The following PDZD8 variants were observed in gnomAD, a reference collection of about 807,000 sequenced individuals.
The protein encoded by PDZD8 is PDZ domain containing 8.
PDZD8 carries 14 observed loss-of-function variants against 85.8 expected under a neutral mutation model. The observed-to-expected ratio is 0.16, with a 90% CI of 0.11 to 0.26. The LOEUF (loss-of-function observed/expected upper bound fraction) is 0.26. PDZD8 is among the 10% of genes least tolerant of loss of function. PDZD8 has a pLI of 1.00. For synonymous variants in PDZD8, 592 were observed against 568.6 expected (o/e 1.04, Z -0.59); for missense variants, 1,197 against 1,424.3 (o/e 0.84, Z 2.57).
At chr10:117,358,889 T>C (rs1428439757) in intron 1 of PDZD8, among the ~76,000 whole-genome samples, 1 of 152,140 alleles carries the variant, frequency 6.6e-6, no homozygotes, top group Non-Finnish European at 1.5e-5. Flanking sequence ...CTTCTATTTA[T>C]CTATATTAAG....
At chr10:117,323,808 A>G (rs1844268052) in intron 2 of PDZD8, among the ~76,000 whole-genome samples, 1 of 152,178 alleles carries the variant, frequency 6.6e-6, no homozygotes, top group Non-Finnish European at 1.5e-5. Flanking sequence ...CATTTGCACT[A>G]TGTGGTCTAT....
chr10:117,362,531 A>G (rs1433780709), intron 1 of PDZD8, among the ~76,000 whole-genome samples: 3 of 152,118 alleles, frequency 2.0e-5, no homozygotes, highest in African/African-American at 7.2e-5. Flanking sequence ...AAATCATAAG[A>G]GCACAGATAT....
At chr10:117,361,854 T>C (rs1180006197) in intron 1 of PDZD8, among the ~76,000 whole-genome samples, 3 of 152,194 alleles carry the variant, frequency 2.0e-5, no homozygotes, top group South Asian at 4.1e-4. Context: ...ACTATTTATA[T>C]AGCATTTACA....
chr10:117,336,992 G>A (rs1182689443), intron 2 of PDZD8, among the ~76,000 whole-genome samples: 6 of 151,988 alleles, frequency 3.9e-5, no homozygotes, highest in Admixed American at 2.0e-4. Context: ...GGGAGGCTGA[G>A]GCAAAAGAAT....
chr10:117,333,117 C>CAAAAAAAAACAAAAAAAA (rs1554854831), intron 2 of PDZD8, among the ~76,000 whole-genome samples: 1 of 7,252 alleles, frequency 1.4e-4, no homozygotes, highest in Non-Finnish European at 5.8e-4. Flanking sequence ...GACTCTGTCT[C>CAAAAAAAAACAAAAAAAA]AAAAAAAAAA....
intron 4 of PDZD8, among the ~76,000 whole-genome samples, chr10:117,288,405 A>C (rs1452769182): frequency 1.3e-5 from 2 of 152,102 alleles, no homozygotes; most frequent in Admixed American, 1.3e-4. Context: ...AACAAACAAA[A>C]AAACAAAAAA....
Position 117,375,052 on chromosome 10 carries a change from T to A in PDZD8, c.176A>T (p.Tyr59Phe). The A allele has an allele frequency of 1.3e-6, 2 of 1,598,670 alleles. No individual in the cohort carries two copies. Among genetic ancestry groups the A allele is most frequent in the Non-Finnish European group, 1.7e-6 (2 of 1,174,706 alleles). Residue 59 changes from tyrosine (Y) to phenylalanine (F), a missense_variant, in exon 1 of 5, where the codon TAC becomes TTC. This residue lies in a region of PDZD8 where 172 missense variants were observed against 137.8 expected (regional missense o/e 1.25). Coordinates refer to ENST00000334464, the MANE Select transcript of PDZD8 (RefSeq NM_173791.5). ...CTCATCCCGGCCGCCGCCATAAAGG[T>A]ACTCCCTTAGGAGCAGGCCCGGCAC... ...KPVPGLLLRE[Y>F]LYGGGRDEEP...
intron 1 of PDZD8, among the ~76,000 whole-genome samples, chr10:117,342,047 C>T (rs1185427142): frequency 2.6e-5 from 4 of 152,148 alleles, no homozygotes. Context: ...CAAGTTTGTT[C>T]AATTTTACAA....
At chr10:117,305,473 C>T (rs11197948) in intron 3 of PDZD8, among the ~76,000 whole-genome samples, 23 of 25,808 alleles carry the variant, frequency 8.9e-4, no homozygotes, top group African/African-American at 2.3e-3. Context: ...CACACACATA[C>T]ACACACACAC....
chr10:117,328,960 G>A (rs1443485295), intron 2 of PDZD8, among the ~76,000 whole-genome samples: 2 of 152,158 alleles, frequency 1.3e-5, no homozygotes, highest in Non-Finnish European at 2.9e-5. Context: ...GTTCCCACTG[G>A]AAACGTGAGT....
At chr10:117,340,844 G>A (rs1210497774) in intron 2 of PDZD8, 136 bp downstream of exon 2, 1 of 1,025,660 alleles carries the variant, frequency 9.7e-7, no homozygotes, top group Non-Finnish European at 1.4e-6. Flanking sequence ...CTACTTTTAT[G>A]ATATTAAATT....
At chr10:117,362,403 T>C (rs1845014644) in intron 1 of PDZD8, among the ~76,000 whole-genome samples, 1 of 152,136 alleles carries the variant, frequency 6.6e-6, no homozygotes, top group Non-Finnish European at 1.5e-5. Context: ...ACAAGTTGCA[T>C]GACTTGTCCA....
At position 117,281,480 on chromosome 10, in the gene PDZD8, G is replaced by A. The variant is rs1214739908; in HGVS notation, c.*1788C>T. On this transcript the variant is annotated 3_prime_UTR_variant, in exon 5 of 5. Transcript: ENST00000334464. ...AAGGTATTTAGTACCTGAAATTTTCGCTTACTAAAGTAACAAAAGGCATGA... is the reference window on the plus strand; with the variant it reads ...AAGGTATTTAGTACCTGAAATTTTCACTTACTAAAGTAACAAAAGGCATGA... 3 of 150,366 alleles carry A rather than the reference G, an allele frequency of 2.0e-5. No individual in the cohort carries two copies. The highest frequency in any genetic ancestry group is 4.9e-5 in the African/African-American group (2 of 40,650). The allele number at this position is 150,366 out of a possible 1,614,324, so 9.3% of individuals were successfully genotyped here.
Position 117,285,028 on chromosome 10 carries a change from T to C in PDZD8, c.1705A>G (p.Thr569Ala). Residue 569 changes from threonine (T) to alanine (A), a missense_variant, in exon 5 of 5, where the codon ACT (threonine) becomes GCT (alanine). Physicochemically the swap from Thr to Ala is moderately conservative, Grantham distance 58. Around this residue, in one of 4 missense-constraint regions of PDZD8, gnomAD observed 263 missense variants for 261.9 expected, o/e 1.00. Transcript: ENST00000334464. ...TGTGCTGGGTCTGTTATCTCAGAAG[T>C]TTTTAGGGGTGGAGGTTTATTTCCA... Reference protein sequence around the residue: ...KDGNKPPPLKTSEITDPAQVS... With the variant: ...KDGNKPPPLKASEITDPAQVS... 6.2e-7 allele frequency: 1 copy of C among 1,613,844 alleles called. No individual in the cohort carries two copies. Among genetic ancestry groups the C allele is most frequent in the Non-Finnish European group, 8.5e-7 (1 of 1,179,820 alleles).
Position 117,283,225 on chromosome 10 carries a change from C to T in PDZD8, c.*43G>A. 6.5e-7 allele frequency: 1 copy of T among 1,531,302 alleles called. No individual in the cohort carries two copies. The highest frequency in any genetic ancestry group is 8.8e-7 in the Non-Finnish European group (1 of 1,138,212). 94.9% of individuals were successfully genotyped at this position (1,531,302 alleles called of 1,614,324 possible). A position where few individuals can be genotyped will look rare whatever the true frequency, so the allele number is the denominator to read the frequency against. Reference sequence around the variant, plus strand: ...GGTTGTATCTGTGGTACTTTAGATGCAACTTTACCCTGTTCATTTGAAAGC... The same window carrying T: ...GGTTGTATCTGTGGTACTTTAGATGTAACTTTACCCTGTTCATTTGAAAGC... On this transcript the variant is annotated 3_prime_UTR_variant, in exon 5 of 5. Coordinates refer to ENST00000334464, the MANE Select transcript of PDZD8 (RefSeq NM_173791.5).
chr10:117,298,222 G>T (rs1298812124), intron 3 of PDZD8, among the ~76,000 whole-genome samples: 4 of 151,978 alleles, frequency 2.6e-5, no homozygotes, highest in Non-Finnish European at 5.9e-5. Flanking sequence ...CTATTAAAAA[G>T]AATTAGAACT....
chr10:117,312,218 A>G (rs1020037174), intron 3 of PDZD8, among the ~76,000 whole-genome samples: 2 of 152,114 alleles, frequency 1.3e-5, no homozygotes, highest in African/African-American at 4.8e-5. Context: ...TAGAGTGCAC[A>G]TGTACCATGG....
chr10:117,375,326 G>A lies in PDZD8; in HGVS notation c.-99C>T. On this transcript the variant is annotated 5_prime_UTR_variant, in exon 1 of 5. Transcript: ENST00000334464. ...GCCTCCATTTTGAGGACATCGGGCGGCTGGGTCGGGGCGAGCGGCTCCGTG... is the reference window on the plus strand; with the variant it reads ...GCCTCCATTTTGAGGACATCGGGCGACTGGGTCGGGGCGAGCGGCTCCGTG... The A allele has an allele frequency of 7.6e-6, 9 of 1,182,682 alleles. No individual in the cohort carries two copies. Among genetic ancestry groups the A allele is most frequent in the Non-Finnish European group, 1.0e-5 (9 of 891,948 alleles). 73.3% of individuals were successfully genotyped at this position (1,182,682 alleles called of 1,614,324 possible).
At chr10:117,297,467 G>A (rs1843776239) in intron 3 of PDZD8, among the ~76,000 whole-genome samples, 1 of 152,090 alleles carries the variant, frequency 6.6e-6, no homozygotes, top group South Asian at 2.1e-4. Context: ...TATTCACAGA[G>A]CATCATTCAT....
Sources: gnomAD v4.1 joint callset for allele counts (sites outside exome capture counted in the v4.1 genomes callset) on GRCh38, gnomAD v4.1.1 for gene constraint, gnomAD v4.1.1 regional missense constraint, MANE v1.5 for transcripts, NCBI Gene and HGNC (gene_info 2026-07-23, HGNC 2026-07-21) for gene names.